The following STARD13 variants were observed in gnomAD, a reference collection of about 807,000 sequenced individuals.
The protein encoded by STARD13 is stAR-related lipid transfer protein 13.
Under a neutral mutation model 106.4 loss-of-function variants are expected in STARD13, and 62 were observed. The ratio of observed to expected loss-of-function variants is 0.58; its 90% CI spans 0.48 to 0.72. The LOEUF is 0.72. STARD13 is among the 30% of genes least tolerant of loss of function. The probability of loss-of-function intolerance (pLI) is 0.00; values close to 1 mark genes in which losing one functional copy is unlikely to be tolerated. For synonymous variants in STARD13, 565 were observed against 553.0 expected, an observed-to-expected ratio of 1.02 and a Z score of -0.31; for missense variants, 1,387 against 1,424.0, an observed-to-expected ratio of 0.97 and a Z score of 0.42.
chr13:33,424,088 TATA>T, the STARD13 span, among the ~76,000 whole-genome samples: 1 of 151,674 alleles, frequency 6.6e-6, no homozygotes, highest in Non-Finnish European at 1.5e-5. Flanking sequence ...GTACTTAAAG[TATA>T]ATAATAATAA....
At chr13:33,540,973 G>A in the STARD13 span, among the ~76,000 whole-genome samples, 1 of 152,154 alleles carries the variant, frequency 6.6e-6, no homozygotes, top group Non-Finnish European at 1.5e-5. Context: ...TTTGAGTTTT[G>A]CCAGGGAAGT....
At chr13:33,276,699 G>T (rs999060177) in intron 1 of STARD13, 1 of 152,284 alleles carries the variant, frequency 6.6e-6, no homozygotes, top group African/African-American at 2.4e-5. Flanking sequence ...GAGTTGGAAT[G>T]CAGGAAGAGA....
the STARD13 span, among the ~76,000 whole-genome samples, chr13:33,450,657 T>C: frequency 1.3e-5 from 2 of 152,182 alleles, no homozygotes; most frequent in African/African-American, 4.8e-5. Flanking sequence ...TTTGTTTAGA[T>C]ATACAAGACA....
the STARD13 span, among the ~76,000 whole-genome samples, chr13:33,432,282 G>T: frequency 6.6e-6 from 1 of 152,082 alleles, no homozygotes; most frequent in Non-Finnish European, 1.5e-5. Flanking sequence ...TTAGAGAAAA[G>T]ATGTTAGAAA....
chr13:33,159,947 T>C (rs1575732), intron 3 of STARD13, among the ~76,000 whole-genome samples: 150,393 of 152,322 alleles, frequency 0.99, 74,257 homozygotes, highest in East Asian at 1. Flanking sequence ...AAATCAAAAC[T>C]CCTTTAGGAT....
At chr13:33,418,258 C>T in the STARD13 span, among the ~76,000 whole-genome samples, 23,788 of 152,240 alleles carry the variant, frequency 0.16, 4,448 homozygotes, top group African/African-American at 0.44. Context: ...TTTCCATGGT[C>T]TTAGCAACCA....
chr13:33,529,190 AAGTT>A, the STARD13 span, among the ~76,000 whole-genome samples: 3 of 152,264 alleles, frequency 2.0e-5, no homozygotes, highest in East Asian at 5.8e-4. Flanking sequence ...ACTAAGACGA[AAGTT>A]AGTGCCCTGT....
the STARD13 span, among the ~76,000 whole-genome samples, chr13:33,400,761 C>A: frequency 2.0e-4 from 31 of 152,288 alleles, no homozygotes; most frequent in Non-Finnish European, 3.8e-4. Context: ...CCGCACCCAG[C>A]CCGTCTTCAA....
At chr13:33,459,290 G>A in the STARD13 span, among the ~76,000 whole-genome samples, 2 of 152,014 alleles carry the variant, frequency 1.3e-5, no homozygotes, top group African/African-American at 4.8e-5. Flanking sequence ...GACTAAGCAT[G>A]TGCCTTCTCT....
At chr13:33,404,644 G>A in the STARD13 span, among the ~76,000 whole-genome samples, 1 of 152,180 alleles carries the variant, frequency 6.6e-6, no homozygotes, top group South Asian at 2.1e-4. Flanking sequence ...CATTGAATTA[G>A]AACCAAACAT....
At chr13:33,276,434 G>A (rs1281365704) in intron 1 of STARD13, among the ~76,000 whole-genome samples, 1 of 152,024 alleles carries the variant, frequency 6.6e-6, no homozygotes, top group Non-Finnish European at 1.5e-5. Context: ...GAGAATCGTT[G>A]GAATATCATT....
the STARD13 span, chr13:33,659,888 G>C: frequency 6.6e-6 from 1 of 152,114 alleles, no homozygotes; most frequent in African/African-American, 2.4e-5. Flanking sequence ...TACAAGCTGG[G>C]AAACTATGTC....
In STARD13 at chr13:33,234,907, T is replaced by C. The variant is rs556495628; in HGVS notation, c.169+50563A>G. On this transcript the variant is annotated intron_variant, in intron 1 of 13. Coordinates refer to ENST00000336934, the MANE Select transcript of STARD13 (RefSeq NM_178006.4). ...ATATCCAGTTCTTCTGCTATAGAAATAAAAAGTCATTAGTGGTGAATTTGT... is the reference window on the plus strand; with the variant it reads ...ATATCCAGTTCTTCTGCTATAGAAACAAAAAGTCATTAGTGGTGAATTTGT... Among the ~76,000 whole-genome samples, 9 of 152,326 alleles carry C rather than the reference T, an allele frequency of 5.9e-5. No homozygotes were observed. The East Asian group carries it at 1.7e-3, about 29-fold the overall frequency.
intron 1 of STARD13, among the ~76,000 whole-genome samples, chr13:33,319,744 A>T (rs563967241): frequency 9.9e-5 from 15 of 152,104 alleles, no homozygotes; most frequent in Non-Finnish European, 1.5e-5. Flanking sequence ...AAGGGGTTGG[A>T]CTCATAGATT....
chr13:33,528,261 T>TATATATATATATATATAC, the STARD13 span, among the ~76,000 whole-genome samples: 1 of 128,282 alleles, frequency 7.8e-6, no homozygotes, highest in African/African-American at 3.5e-5. Context: ...TATATACATA[T>TATATATATATATATATAC]ATATATATAT....
the STARD13 span, among the ~76,000 whole-genome samples, chr13:33,385,033 C>T: frequency 8.9e-5 from 13 of 146,882 alleles, no homozygotes; most frequent in African/African-American, 2.0e-4. Flanking sequence ...AAGAAAGGTT[C>T]GGAATATATA....
chr13:33,589,426 G>A, the STARD13 span, among the ~76,000 whole-genome samples: 1 of 152,114 alleles, frequency 6.6e-6, no homozygotes, highest in Non-Finnish European at 1.5e-5. Context: ...GCTTTCTCCT[G>A]TGGGCATTTT....
At chr13:33,360,658 T>G in the STARD13 span, among the ~76,000 whole-genome samples, 1 of 33,646 alleles carries the variant, frequency 3.0e-5, no homozygotes, top group Non-Finnish European at 7.3e-5. Flanking sequence ...GACAGAAGGA[T>G]TCCTTCTGTG....
At chr13:33,557,450 T>C in the STARD13 span, among the ~76,000 whole-genome samples, 1 of 152,194 alleles carries the variant, frequency 6.6e-6, no homozygotes, top group Non-Finnish European at 1.5e-5. Context: ...CTTGCAGCCA[T>C]TAGTTTTCAA....
Sources: gnomAD v4.1 joint callset for allele counts (sites outside exome capture counted in the v4.1 genomes callset) on GRCh38, gnomAD v4.1.1 for gene constraint, MANE v1.5 for transcripts, NCBI Gene and HGNC (gene_info 2026-07-23, HGNC 2026-07-21) for gene names.